The following KCNJ5 variants were observed in gnomAD, a reference collection of about 807,000 sequenced individuals.
The protein encoded by KCNJ5 is potassium inwardly rectifying channel subfamily J member 5, also known as G protein-activated inward rectifier potassium channel 4.
A neutral mutation model predicts 20.2 loss-of-function variants in KCNJ5; 12 were observed. That is an observed-to-expected ratio of 0.59 (90% CI 0.38 to 0.96). The LOEUF (loss-of-function observed/expected upper bound fraction) is 0.96. Ranked by LOEUF, KCNJ5 falls within the 40% of genes least tolerant of loss-of-function variation. The pLI is 0.00. For missense variants in KCNJ5, 449 were observed against 557.6 expected (o/e 0.81, Z 1.96); for synonymous variants, 210 against 213.9 (o/e 0.98, Z 0.16).
Position 128,919,599 on chromosome 11 carries a change from A to G in KCNJ5, c.*2868A>G, listed in dbSNP as rs1045470354. ...TCATTTTCTAGAAGTTCTTGAATAAACATGGACTTACTAAATGCAGAGTCT... is the reference window on the plus strand; with the variant it reads ...TCATTTTCTAGAAGTTCTTGAATAAGCATGGACTTACTAAATGCAGAGTCT... On this transcript the variant is annotated 3_prime_UTR_variant, in exon 3 of 3. Transcript: ENST00000529694. 4 of 152,264 alleles carry G rather than the reference A, an allele frequency of 2.6e-5. No individual in the cohort carries two copies. Among genetic ancestry groups the G allele is most frequent in the Admixed American group, 1.3e-4 (2 of 15,292 alleles). The allele number at this position is 152,264 out of a possible 1,614,324, so 9.4% of individuals were successfully genotyped here. A position where few individuals can be genotyped will look rare whatever the true frequency, so the allele number is the denominator to read the frequency against.
At chr11:128,905,762 G>A (rs1944399819) in intron 1 of KCNJ5, 2 of 152,794 alleles carry the variant, frequency 1.3e-5, no homozygotes, top group African/African-American at 2.4e-5. Flanking sequence ...CGGGGCGGGG[G>A]GAGGAAAGGG....
In KCNJ5 at chr11:128,891,437, CACACAGAGAGAGAGAG is replaced by C. The variant is rs1944083893; in HGVS notation, c.-293_-278del. On this transcript the variant is annotated 5_prime_UTR_variant, in exon 1 of 3. Transcript: ENST00000529694. Reference sequence around the variant, plus strand: ...ACACACACACACACACACACACACACACACAGAGAGAGAGAGAGAGAGAGAGAGAGAGAGAGAGATT... The same window carrying C: ...ACACACACACACACACACACACACACAGAGAGAGAGAGAGAGAGAGAGATT... The C allele has an allele frequency of 1.3e-5, 1 of 74,426 alleles. No homozygotes were observed. The highest frequency in any genetic ancestry group is 2.5e-5 in the Non-Finnish European group (1 of 39,626). The allele number at this position is 74,426 out of a possible 1,614,324, so 4.6% of individuals were successfully genotyped here.
At chr11:128,912,856 G>A (rs1944524445) in intron 2 of KCNJ5, among the ~76,000 whole-genome samples, 1 of 152,172 alleles carries the variant, frequency 6.6e-6, no homozygotes, top group Admixed American at 6.5e-5. Flanking sequence ...GACACAGACA[G>A]GCTAAATTAT....
In KCNJ5 at chr11:128,917,012, A is replaced by C. The variant is rs192398013; in HGVS notation, c.*281A>C. 2.5e-6 allele frequency: 1 copy of C among 393,998 alleles called. No individual in the cohort carries two copies. Among genetic ancestry groups the C allele is most frequent in the Non-Finnish European group, 4.6e-6 (1 of 217,914 alleles). The allele number at this position is 393,998 out of a possible 1,614,324, so 24.4% of individuals were successfully genotyped here. On this transcript the variant is annotated 3_prime_UTR_variant, in exon 3 of 3. Coordinates refer to ENST00000529694, the MANE Select transcript of KCNJ5 (RefSeq NM_000890.5). ...GTTTCCCCATGGTGAATGTTACCGG[A>C]TGGCATCTGTTCTCTCCATGCCCTG...
At chr11:128,904,471 C>T (rs916611860) in intron 1 of KCNJ5, 2 of 1,612,084 alleles carry the variant, frequency 1.2e-6, no homozygotes, top group Non-Finnish European at 1.7e-6. Context: ...GACTAGGCAT[C>T]AGCACGTTGT....
rs143261798 is a variant in KCNJ5 at position 128,896,993 on chromosome 11, G to A, written c.-11+5272G>A. On this transcript the variant is annotated intron_variant, in intron 1 of 2. Coordinates refer to ENST00000529694, the MANE Select transcript of KCNJ5 (RefSeq NM_000890.5). ...AGTGATCCAGTTTCTCTGCATCTTT[G>A]CCAACATTTGTTATTGTCACTATTT... 6.0e-4 allele frequency among the ~76,000 whole-genome samples: 91 copies of A among 151,110 alleles called. 1 individual carries two copies. Among genetic ancestry groups the A allele is most frequent in the Middle Eastern group, 3.4e-3 (1 of 292 alleles).
Position 128,911,914 on chromosome 11 carries a change from A to G in KCNJ5, c.641A>G (p.Lys214Arg). ...NNAVISMRDEKLCLMFRVGDL... is the reference protein window; with the variant it reads ...NNAVISMRDERLCLMFRVGDL... ...GCAGTCATCTCCATGCGGGACGAGA[A>G]GCTGTGCCTCATGTTCCGGGTGGGC... is the stretch of plus-strand genomic sequence containing the variant. The change falls in exon 2 of 3, where the codon AAG becomes AGG. Residue 214 changes from lysine to arginine, a missense_variant. This residue lies in a region of KCNJ5 where 145 missense variants were observed against 166.2 expected (regional missense o/e 0.87). Coordinates refer to ENST00000529694, the MANE Select transcript of KCNJ5 (RefSeq NM_000890.5). The surrounding 1 kb of genome is among the most constrained non-coding windows in gnomAD (Gnocchi z 6.3). 1 of 1,604,910 alleles carries G rather than the reference A, an allele frequency of 6.2e-7. No homozygotes were observed. The highest frequency in any genetic ancestry group is 8.5e-7 in the Non-Finnish European group (1 of 1,173,556).
intron 1 of KCNJ5, chr11:128,902,654 T>A: frequency 6.2e-7 from 1 of 1,614,044 alleles, no homozygotes; most frequent in Non-Finnish European, 8.5e-7. Context: ...GTTCTCCTCT[T>A]CCTGCCGGGC....
intron 1 of KCNJ5, chr11:128,902,443 T>G: frequency 7.2e-7 from 1 of 1,382,260 alleles, no homozygotes; most frequent in Non-Finnish European, 1.0e-6. Context: ...GGGTGCCAGT[T>G]AGGGAGGAGA....
chr11:128,895,485 G>A (rs1164949451), intron 1 of KCNJ5, among the ~76,000 whole-genome samples: 2 of 151,028 alleles, frequency 1.3e-5, no homozygotes, highest in Non-Finnish European at 2.9e-5. Context: ...GGGCTGTCCA[G>A]CAGTGCCAGC....
chr11:128,904,419 C>G (rs767578861), intron 1 of KCNJ5: 27 of 1,613,964 alleles, frequency 1.7e-5, no homozygotes. Context: ...CAAGGGTCGT[C>G]AATCTCATTA....
Position 128,918,772 on chromosome 11 carries a change from C to T in KCNJ5, c.*2041C>T, listed in dbSNP as rs144440308. The T allele has an allele frequency of 2.6e-5, 4 of 152,334 alleles. No individual in the cohort carries two copies. Among genetic ancestry groups the T allele is most frequent in the African/African-American group, 9.6e-5 (4 of 41,458 alleles). The allele number at this position is 152,334 out of a possible 1,614,324, so 9.4% of individuals were successfully genotyped here. A position where few individuals can be genotyped will look rare whatever the true frequency, so the allele number is the denominator to read the frequency against. On this transcript the variant is annotated 3_prime_UTR_variant, in exon 3 of 3. Coordinates refer to ENST00000529694, the MANE Select transcript of KCNJ5 (RefSeq NM_000890.5). ...GGGAACTGCCTCTGTGGGCTCCCCA[C>T]TCCCAGGGAGGGGCTCCATAAGCTT...
At chr11:128,902,535 G>T (rs1167790342) in intron 1 of KCNJ5, 4 of 1,581,410 alleles carry the variant, frequency 2.5e-6, no homozygotes, top group Admixed American at 3.6e-5. Context: ...GGGAGCACAG[G>T]GCTATTGGCA....
intron 1 of KCNJ5, among the ~76,000 whole-genome samples, chr11:128,910,956 T>C (rs1030005237): frequency 2.0e-5 from 3 of 152,244 alleles, no homozygotes; most frequent in Non-Finnish European, 4.4e-5. Context: ...TTATTCTTTT[T>C]AAATTGCTCC....
rs863224689 is a variant in KCNJ5, at chr11:128,911,359, C to A, written c.86C>A (p.Ala29Asp). ...PWDPKKIPKQARDYVPIATDR... is the reference protein window; with the variant it reads ...PWDPKKIPKQDRDYVPIATDR... ...GACCCCAAGAAGATTCCAAAACAGG[C>A]CCGCGATTATGTCCCCATTGCCACA... Residue 29 changes from alanine to aspartate, a missense_variant, in exon 2 of 3, where the codon GCC becomes GAC. Coordinates refer to ENST00000529694, the MANE Select transcript of KCNJ5 (RefSeq NM_000890.5). This position sits in a 1 kb window ranked among gnomAD's most constrained non-coding sequence, Gnocchi z 6.3. 6.8e-6 allele frequency: 11 copies of A among 1,614,196 alleles called. No individual in the cohort carries two copies. Among genetic ancestry groups the A allele is most frequent in the African/African-American group, 1.3e-5 (1 of 75,056 alleles).
At chr11:128,903,718 G>A (rs1030722109) in intron 1 of KCNJ5, among the ~76,000 whole-genome samples, 1 of 152,182 alleles carries the variant, frequency 6.6e-6, no homozygotes, top group Admixed American at 6.5e-5. Context: ...ACCTCTGGGG[G>A]CAAGTATTGT....
At chr11:128,902,418 C>T (rs1169291126) in intron 1 of KCNJ5, 3 of 1,094,646 alleles carry the variant, frequency 2.7e-6, no homozygotes, top group Non-Finnish European at 4.0e-6. Flanking sequence ...CTGTTCTCTG[C>T]AGCAGGTTTG....
At chr11:128,899,283 T>G (rs916613931) in intron 1 of KCNJ5, among the ~76,000 whole-genome samples, 1 of 152,266 alleles carries the variant, frequency 6.6e-6, no homozygotes, top group African/African-American at 2.4e-5. Flanking sequence ...AGTTTATACA[T>G]GTAAAGCATT....
At chr11:128,916,151 T>C (rs1184620726) in intron 2 of KCNJ5, among the ~76,000 whole-genome samples, 2 of 145,756 alleles carry the variant, frequency 1.4e-5, no homozygotes, top group Admixed American at 1.4e-4. Context: ...GATGGATATA[T>C]CTTTGCCCTT....
Sources: gnomAD v4.1 joint callset for allele counts (sites outside exome capture counted in the v4.1 genomes callset) on GRCh38, gnomAD v4.1.1 for gene constraint, gnomAD v4.1.1 regional missense constraint, Gnocchi (gnomAD v3.1) non-coding constraint, MANE v1.5 for transcripts, NCBI Gene and HGNC (gene_info 2026-07-23, HGNC 2026-07-21) for gene names.